The following SEZ6L variants were observed in gnomAD, a reference collection of about 807,000 sequenced individuals.
The protein encoded by SEZ6L is seizure 6-like protein.
A neutral mutation model predicts 106.2 loss-of-function variants in SEZ6L; 37 were observed. That is an observed-to-expected ratio of 0.35 (90% CI 0.27 to 0.46). The LOEUF (loss-of-function observed/expected upper bound fraction) is 0.46, where lower values mean the gene tolerates loss of function less well. Among genes scored for constraint, SEZ6L ranks in the 20% least tolerant of loss-of-function variants. The probability of loss-of-function intolerance (pLI) is 1.00; values close to 1 mark genes in which losing one functional copy is unlikely to be tolerated. For synonymous variants in SEZ6L, 541 were observed against 570.4 expected (o/e 0.95, Z 0.73); for missense variants, 1,172 against 1,332.8 (o/e 0.88, Z 1.88).
At chr22:26,228,433 G>T (rs1276206570) in intron 1 of SEZ6L, among the ~76,000 whole-genome samples, 1 of 152,140 alleles carries the variant, frequency 6.6e-6, no homozygotes, top group Non-Finnish European at 1.5e-5. Flanking sequence ...TCCTGTATGT[G>T]ACACTGTGCC....
intron 10 of SEZ6L, among the ~76,000 whole-genome samples, chr22:26,342,962 A>G (rs1601554624): frequency 6.6e-6 from 1 of 152,170 alleles, no homozygotes; most frequent in Non-Finnish European, 1.5e-5. Context: ...CCTGCCTGCT[A>G]CATGTCCACC....
chr22:26,325,907 C>A (rs991793338), intron 9 of SEZ6L, among the ~76,000 whole-genome samples: 9 of 146,230 alleles, frequency 6.2e-5, no homozygotes, highest in Non-Finnish European at 1.0e-4. Context: ...AAACTGAGCT[C>A]CTTTGCACGA....
chr22:26,360,883 GA>G (rs56292033), intron 12 of SEZ6L, among the ~76,000 whole-genome samples: 8 of 148,338 alleles, frequency 5.4e-5, no homozygotes, highest in Non-Finnish European at 1.2e-4. Flanking sequence ...TCTACGGGCT[GA>G]AAAAAAAACA....
chr22:26,341,093 C>G (rs1053184290), intron 10 of SEZ6L, among the ~76,000 whole-genome samples: 1 of 152,072 alleles, frequency 6.6e-6, no homozygotes, highest in South Asian at 2.1e-4. Flanking sequence ...CCTTCTTGCC[C>G]GAACTGAAGC....
intron 9 of SEZ6L, among the ~76,000 whole-genome samples, chr22:26,323,421 CCAGGA>C (rs2082212640): frequency 6.6e-6 from 1 of 152,042 alleles, no homozygotes; most frequent in Non-Finnish European, 1.5e-5. Context: ...TCGCTTGAGC[CCAGGA>C]GTTCAAGACC....
chr22:26,181,841 G>C (rs947988572), intron 1 of SEZ6L, among the ~76,000 whole-genome samples: 13 of 152,260 alleles, frequency 8.5e-5, no homozygotes, highest in African/African-American at 2.9e-4. Context: ...TTGTCCACTT[G>C]ATATTACAAG....
chr22:26,352,436 AAAG>A (rs2083312503), intron 12 of SEZ6L, among the ~76,000 whole-genome samples: 1 of 152,176 alleles, frequency 6.6e-6, no homozygotes, highest in African/African-American at 2.4e-5. Context: ...GGGGGGAAAA[AAAG>A]AAAAGAAAAA....
intron 9 of SEZ6L, among the ~76,000 whole-genome samples, chr22:26,335,189 T>C (rs758568088): frequency 3.9e-5 from 6 of 152,192 alleles, no homozygotes; most frequent in Non-Finnish European, 8.8e-5. Context: ...TGCCAAACTC[T>C]GTGTACATAA....
Position 26,381,989 on chromosome 22 carries a change from G to A in SEZ6L, c.*1694G>A, listed in dbSNP as rs780336305. ...TTGGAAACATCTTAAGCAAGATAGG[G>A]AAAGTTGATTTTAGGCACACATGTA... On this transcript the variant is annotated 3_prime_UTR_variant, in exon 17 of 17. Coordinates refer to ENST00000248933, the MANE Select transcript of SEZ6L (RefSeq NM_021115.5). The A allele has an allele frequency of 3.9e-6, 2 of 518,234 alleles. No individual in the cohort carries two copies. Among genetic ancestry groups the A allele is most frequent in the Admixed American group, 3.9e-5 (2 of 51,530 alleles). 32.1% of individuals were successfully genotyped at this position (518,234 alleles called of 1,614,324 possible).
At chr22:26,182,167 A>G (rs946499615) in intron 1 of SEZ6L, among the ~76,000 whole-genome samples, 2 of 152,212 alleles carry the variant, frequency 1.3e-5, no homozygotes, top group Admixed American at 6.5e-5. Context: ...CTGAAGTGTT[A>G]TTGTTCTTAA....
intron 1 of SEZ6L, among the ~76,000 whole-genome samples, chr22:26,170,830 C>T (rs1938545097): frequency 6.6e-6 from 1 of 152,252 alleles, no homozygotes; most frequent in Non-Finnish European, 1.5e-5. Context: ...GCAGGGTCTG[C>T]CCAGGCTGAA....
intron 9 of SEZ6L, among the ~76,000 whole-genome samples, chr22:26,323,478 T>A (rs1175865408): frequency 6.6e-6 from 1 of 151,940 alleles, no homozygotes; most frequent in African/African-American, 2.4e-5. Flanking sequence ...ACAAATAATT[T>A]AAAAATTAGC....
At chr22:26,243,182 T>C (rs2079195987) in intron 1 of SEZ6L, among the ~76,000 whole-genome samples, 1 of 152,216 alleles carries the variant, frequency 6.6e-6, no homozygotes, top group African/African-American at 2.4e-5. Context: ...ATATCTGCAA[T>C]GACTCAATTT....
chr22:26,222,913 T>C (rs1333992357), intron 1 of SEZ6L, among the ~76,000 whole-genome samples: 1 of 152,040 alleles, frequency 6.6e-6, no homozygotes, highest in Non-Finnish European at 1.5e-5. Flanking sequence ...CCTGGGGTGT[T>C]TGCTACCGGC....
intron 9 of SEZ6L, among the ~76,000 whole-genome samples, chr22:26,330,043 G>A (rs1265728643): frequency 1.3e-5 from 2 of 152,246 alleles, no homozygotes; most frequent in East Asian, 3.8e-4. Context: ...ATTCCTCTGA[G>A]CCTCAGTTTC....
intron 12 of SEZ6L, among the ~76,000 whole-genome samples, chr22:26,355,743 C>CAGAAAAGAAAAGAAAAGAAAAGAAA (rs150501916): frequency 6.6e-6 from 1 of 151,930 alleles, no homozygotes; most frequent in African/African-American, 2.4e-5. Flanking sequence ...AACATAGAAA[C>CAGAAAAGAAAAGAAAAGAAAAGAAA]AGAAAAGAAA....
intron 1 of SEZ6L, among the ~76,000 whole-genome samples, chr22:26,216,626 AGCCTT>A (rs1207721440): frequency 6.6e-6 from 1 of 152,094 alleles, no homozygotes; most frequent in Non-Finnish European, 1.5e-5. Flanking sequence ...ATTGCACTCC[AGCCTT>A]GGTGACAGAG....
intron 9 of SEZ6L, among the ~76,000 whole-genome samples, chr22:26,328,060 G>A (rs1473068599): frequency 6.6e-6 from 1 of 152,116 alleles, no homozygotes; most frequent in Admixed American, 6.5e-5. Context: ...AAAGTGTGTG[G>A]GTCCAACCTT....
At chr22:26,175,638 G>A (rs924690390) in intron 1 of SEZ6L, among the ~76,000 whole-genome samples, 3 of 152,222 alleles carry the variant, frequency 2.0e-5, no homozygotes, top group Non-Finnish European at 2.9e-5. Flanking sequence ...AGAAGACCTC[G>A]TAAAAGAGAG....
Sources: gnomAD v4.1 joint callset for allele counts (sites outside exome capture counted in the v4.1 genomes callset) on GRCh38, gnomAD v4.1.1 for gene constraint, MANE v1.5 for transcripts, NCBI Gene and HGNC (gene_info 2026-07-23, HGNC 2026-07-21) for gene names.